ADGRL1: variants seen among roughly 807,000 people sequenced by gnomAD.
ADGRL1 encodes the protein CIRL-1.
In ADGRL1, 31 loss-of-function variants were observed where a neutral mutation model predicts 148.9. That is an observed-to-expected ratio of 0.21 (90% CI 0.16 to 0.28). The LOEUF (loss-of-function observed/expected upper bound fraction) is 0.28, where lower values mean the gene tolerates loss of function less well. Ranked by LOEUF, ADGRL1 falls within the 10% of genes least tolerant of loss-of-function variation. The pLI is 1.00. For missense variants in ADGRL1, 1,521 were observed against 2,058.8 expected, an observed-to-expected ratio of 0.74 and a Z score of 5.05; for synonymous variants, 937 against 900.3, an observed-to-expected ratio of 1.04 and a Z score of -0.73.
intron 2 of ADGRL1, among the ~76,000 whole-genome samples, chr19:14,179,270 A>G (rs1322505557): frequency 6.6e-6 from 1 of 151,872 alleles, no homozygotes; most frequent in Non-Finnish European, 1.5e-5. Context: ...CAGGGTGGGC[A>G]GATCATGAGG....
At chr19:14,196,170 C>A (rs1972248921) in intron 1 of ADGRL1, among the ~76,000 whole-genome samples, 1 of 152,208 alleles carries the variant, frequency 6.6e-6, no homozygotes, top group Admixed American at 6.5e-5. Flanking sequence ...GAGGCGAGAA[C>A]AATCTTTGCA....
At chr19:14,192,842 T>C (rs1350315444) in intron 1 of ADGRL1, among the ~76,000 whole-genome samples, 1 of 152,178 alleles carries the variant, frequency 6.6e-6, no homozygotes. Context: ...TGAGCCACCG[T>C]GCCCAGCCTT....
rs76902541 is a variant in ADGRL1, at chr19:14,173,385, C to T, written c.285-2594G>A. On this transcript the variant is annotated intron_variant, in intron 3 of 22. Coordinates refer to ENST00000361434, the MANE Select transcript of ADGRL1 (RefSeq NM_014921.5). ...TGCTGGGATTACAGGCATGAGCCAC[C>T]GCATCTAGCTGTGCCTAATTTGTAA... Among the ~76,000 whole-genome samples, 976 of 152,152 alleles carry T rather than the reference C, an allele frequency of 6.4e-3. 10 individuals are homozygous for T. The highest frequency in any genetic ancestry group is 0.025 in the South Asian group (119 of 4,806).
Position 14,183,683 on chromosome 19 carries a change from G to T in ADGRL1, c.-81C>A. The T allele has an allele frequency of 7.8e-7, 1 of 1,287,520 alleles. No homozygotes were observed. Among genetic ancestry groups the T allele is most frequent in the Non-Finnish European group, 1.1e-6 (1 of 924,118 alleles). 79.8% of individuals were successfully genotyped at this position (1,287,520 alleles called of 1,614,324 possible). ...CCCACATCACCTGGCAGGCACCACGGCCTGGACCACCAGCCTGGGGGAGGA... is the reference window on the plus strand; with the variant it reads ...CCCACATCACCTGGCAGGCACCACGTCCTGGACCACCAGCCTGGGGGAGGA... On this transcript the variant is annotated 5_prime_UTR_variant, in exon 2 of 23. Coordinates refer to ENST00000361434, the MANE Select transcript of ADGRL1 (RefSeq NM_014921.5).
intron 1 of ADGRL1, among the ~76,000 whole-genome samples, chr19:14,195,842 G>A (rs190128135): frequency 4.6e-5 from 7 of 152,292 alleles, no homozygotes; most frequent in Non-Finnish European, 1.0e-4. Flanking sequence ...AGAGGGCCCA[G>A]GTACATGATC....
rs775654812 is a variant in ADGRL1, at chr19:14,159,210, C to G, written c.2029G>C (p.Glu677Gln). The G allele has an allele frequency of 2.7e-5, 43 of 1,613,942 alleles. No homozygotes were observed. The highest frequency in any genetic ancestry group is 3.6e-5 in the Non-Finnish European group (43 of 1,179,978). The change falls in exon 11 of 23, where the codon GAG (glutamate) becomes CAG (glutamine). Residue 677 changes from glutamate to glutamine, a missense_variant. Transcript: ENST00000361434. This position sits in a 1 kb window ranked among gnomAD's most constrained non-coding sequence, Gnocchi z 6.0. ...FLAAKENVVLEVTVLNTEGQV... is the reference protein window; with the variant it reads ...FLAAKENVVLQVTVLNTEGQV... ...CCCTCTGTGTTCAGGACTGTGACCT[C>G]CAGGACTGTGGGGACAGGGGAAGGC...
intron 1 of ADGRL1, among the ~76,000 whole-genome samples, chr19:14,203,636 C>T (rs1487496103): frequency 3.5e-5 from 4 of 113,312 alleles, no homozygotes; most frequent in African/African-American, 1.3e-4. Context: ...CTCCAAGGCC[C>T]CCCAGGAGAA....
At chr19:14,182,404 A>C (rs1216810718) in intron 2 of ADGRL1, among the ~76,000 whole-genome samples, 1 of 152,118 alleles carries the variant, frequency 6.6e-6, no homozygotes, top group African/African-American at 2.4e-5. Context: ...AGATGCCCCA[A>C]TGTGGGGACC....
rs371446452 is a variant in ADGRL1, at chr19:14,163,385, A to G, written c.416T>C (p.Leu139Pro). The G allele has an allele frequency of 9.0e-6, 14 of 1,550,348 alleles. 1 individual carries two copies. The highest frequency in any genetic ancestry group is 1.1e-5 in the South Asian group (1 of 87,428). Residue 139 changes from leucine (L) to proline (P), a missense_variant, in exon 5 of 23, where the codon CTG (leucine) becomes CCG (proline). By Grantham distance (98) the Leu-to-Pro change is moderately conservative (BLOSUM62 -3). Coordinates refer to ENST00000361434, the MANE Select transcript of ADGRL1 (RefSeq NM_014921.5). ...CGAGGTGGGCTCCAGCACCTTCTGC[A>G]GGGTCCCTGGGCACACGAAGACTGG... Reference protein sequence around the residue: ...VPYIFVCPGTLQKVLEPTSTH... With the variant: ...VPYIFVCPGTPQKVLEPTSTH...
intron 11 of ADGRL1, among the ~76,000 whole-genome samples, 169 bp downstream of exon 11, chr19:14,158,921 C>T (rs1365833749): frequency 6.6e-6 from 1 of 152,142 alleles, no homozygotes; most frequent in East Asian, 1.9e-4. Context: ...AAGGCTCACC[C>T]TTAGGGCTCT....
At position 14,157,806 on chromosome 19, in the gene ADGRL1, G is replaced by C; in HGVS notation, c.2535+76C>G. On this transcript the variant is annotated intron_variant, in intron 13 of 22. Coordinates refer to ENST00000361434, the MANE Select transcript of ADGRL1 (RefSeq NM_014921.5). This position sits in a 1 kb window ranked among gnomAD's most constrained non-coding sequence, Gnocchi z 7.5. The stretch of plus-strand genomic sequence containing the variant: ...GCTAGCCTCCCCTGGTACTGCCCGT[G>C]ATCTCTCTAGGATGCCATGCAAAGC... 1 of 1,539,376 alleles carries C rather than the reference G, an allele frequency of 6.5e-7. No homozygotes were observed. Among genetic ancestry groups the C allele is most frequent in the Non-Finnish European group, 8.8e-7 (1 of 1,136,814 alleles).
chr19:14,150,814 G>A lies in ADGRL1; in HGVS notation c.*59C>T, dbSNP rs1968082327. 2 of 1,570,940 alleles carry A rather than the reference G, an allele frequency of 1.3e-6. No individual in the cohort carries two copies. Among genetic ancestry groups the A allele is most frequent in the East Asian group, 2.2e-5 (1 of 44,498 alleles). On this transcript the variant is annotated 3_prime_UTR_variant, in exon 23 of 23. Coordinates refer to ENST00000361434, the MANE Select transcript of ADGRL1 (RefSeq NM_014921.5). ...CCATCTGTCTCCCTCTCCCACCAGA[G>A]CCCTGCCCAGGGTTCCCTCCCTGGC...
Position 14,155,339 on chromosome 19 carries a change from G to A in ADGRL1, c.3294+20C>T. On this transcript the variant is annotated intron_variant, in intron 18 of 22. Transcript: ENST00000361434. The surrounding 1 kb of genome is among the most constrained non-coding windows in gnomAD (Gnocchi z 5.0). ...CGTCTCCAAGGGAGGCTGTGACCCA[G>A]GACCCCGCCTCGACCTCACCTTCTT... 3.7e-6 allele frequency: 6 copies of A among 1,611,616 alleles called. No homozygotes were observed. The highest frequency in any genetic ancestry group is 5.1e-6 in the Non-Finnish European group (6 of 1,178,356).
Position 14,159,787 on chromosome 19 carries a change from G to C in ADGRL1, c.1801-14C>G, listed in dbSNP as rs779172226. 11 of 1,612,596 alleles carry C rather than the reference G, an allele frequency of 6.8e-6. No individual in the cohort carries two copies. Among genetic ancestry groups the C allele is most frequent in the Non-Finnish European group, 9.3e-6 (11 of 1,178,804 alleles). On this transcript the variant is annotated splice_polypyrimidine_tract_variant and intron_variant, in intron 8 of 22. Coordinates refer to ENST00000361434, the MANE Select transcript of ADGRL1 (RefSeq NM_014921.5). This position sits in a 1 kb window ranked among gnomAD's most constrained non-coding sequence, Gnocchi z 6.0. The stretch of plus-strand genomic sequence containing the variant: ...TCGCTTGTGCATCTAGAAAGAGATG[G>C]AGGTGATGTCAGGCCAGGCCTCTGG...
At chr19:14,175,802 G>A (rs557290675) in intron 3 of ADGRL1, among the ~76,000 whole-genome samples, 8 of 152,208 alleles carry the variant, frequency 5.3e-5, no homozygotes, top group Admixed American at 3.3e-4. Context: ...TGTAATCCCA[G>A]CACTTAAGGG....
chr19:14,163,486 G>C (rs1023747323), intron 4 of ADGRL1, 80 bp from the exon 5 acceptor site: 9 of 1,076,458 alleles, frequency 8.4e-6, no homozygotes, highest in Non-Finnish European at 1.2e-5. Context: ...GAGAGAGAGA[G>C]AGAGAGAGAG....
At position 14,162,248 on chromosome 19, in the gene ADGRL1, T is replaced by C. The variant is rs943174857; in HGVS notation, c.1195+358A>G. ...GGATACTGGACTTCCACCCAGGATTTTGGTGGATCCAAGGGTTCCTGGAGT... is the reference window on the plus strand; with the variant it reads ...GGATACTGGACTTCCACCCAGGATTCTGGTGGATCCAAGGGTTCCTGGAGT... On this transcript the variant is annotated intron_variant, in intron 5 of 22. Transcript: ENST00000361434. This position sits in a 1 kb window ranked among gnomAD's most constrained non-coding sequence, Gnocchi z 5.4. 1.3e-5 allele frequency among the ~76,000 whole-genome samples: 2 copies of C among 152,068 alleles called. No homozygotes were observed. The highest frequency in any genetic ancestry group is 4.8e-5 in the African/African-American group (2 of 41,396).
intron 18 of ADGRL1, 119 bp from the exon 19 acceptor site, chr19:14,153,031 C>T: frequency 3.4e-6 from 4 of 1,171,060 alleles, no homozygotes; most frequent in Non-Finnish European, 4.8e-6. Flanking sequence ...CTTCCAATGA[C>T]TGTGTTCCCC....
In ADGRL1 at chr19:14,161,656, C is replaced by G. The variant is rs780295103; in HGVS notation, c.1196-30G>C. ...AGAGGGGATACGAGACAGGGTCATC[C>G]CCATGCTCAGGGCCATGCCACAGTG... is the stretch of plus-strand genomic sequence containing the variant. On this transcript the variant is annotated intron_variant, in intron 5 of 22. Coordinates refer to ENST00000361434, the MANE Select transcript of ADGRL1 (RefSeq NM_014921.5). This position sits in a 1 kb window ranked among gnomAD's most constrained non-coding sequence, Gnocchi z 4.4. 7.4e-7 allele frequency: 1 copy of G among 1,358,628 alleles called. No homozygotes were observed. Among genetic ancestry groups the G allele is most frequent in the African/African-American group, 1.5e-5 (1 of 66,544 alleles). The allele number at this position is 1,358,628 out of a possible 1,614,324, so 84.2% of individuals were successfully genotyped here.
Sources: allele counts gnomAD v4.1 joint callset (sites outside exome capture counted in the v4.1 genomes callset), GRCh38; gene constraint gnomAD v4.1.1; non-coding constraint Gnocchi (gnomAD v3.1); transcripts MANE v1.5; gene names NCBI Gene and HGNC (gene_info 2026-07-23, HGNC 2026-07-21).